Variants in FGF6 observed in about 807,000 individuals in gnomAD.
FGF6 encodes the protein FGF-6.
In FGF6, 14 loss-of-function variants were observed where a neutral mutation model predicts 18.4. That is an observed-to-expected ratio of 0.76 (90% CI 0.50 to 1.19). The LOEUF (loss-of-function observed/expected upper bound fraction) is 1.19, where lower values mean the gene tolerates loss of function less well. Among genes scored for constraint, FGF6 ranks in the 50% most tolerant of loss-of-function variants. FGF6 has a pLI of 0.00. For missense variants in FGF6, 266 were observed against 271.6 expected, an observed-to-expected ratio of 0.98 and a Z score of 0.15; for synonymous variants, 125 against 116.7, an observed-to-expected ratio of 1.07 and a Z score of -0.46.
In FGF6 at chr12:4,445,794, C is replaced by T. The variant is rs925005313; in HGVS notation, c.-224G>A. 6.6e-6 allele frequency among the ~76,000 whole-genome samples: 1 copy of T among 152,192 alleles called. No homozygotes were observed. The highest frequency in any genetic ancestry group is 1.5e-5 in the Non-Finnish European group (1 of 68,034). ...TGGCTCGGGGACGCTCTCTAGCTCG[C>T]CCGCTTGCTCCGTCCCTAGTTGATG... On this transcript the variant is annotated 5_prime_UTR_variant, in exon 1 of 3. Transcript: ENST00000228837. This position sits in a 1 kb window ranked among gnomAD's most constrained non-coding sequence, Gnocchi z 5.5.
intron 2 of FGF6, among the ~76,000 whole-genome samples, chr12:4,439,243 CCTT>C (rs1470280353): frequency 6.6e-6 from 1 of 152,146 alleles, no homozygotes; most frequent in African/African-American, 2.4e-5. Flanking sequence ...CTGGTGGTCT[CCTT>C]CTTGTTGGGT....
chr12:4,437,956 G>A (rs1031816919), intron 2 of FGF6, among the ~76,000 whole-genome samples: 9 of 151,900 alleles, frequency 5.9e-5, no homozygotes, highest in African/African-American at 1.9e-4. Context: ...GTAATAAATT[G>A]TCTTCTACTT....
rs539408566 is a variant in FGF6, at chr12:4,439,689, C to T, written c.450+4444G>A. On this transcript the variant is annotated intron_variant, in intron 2 of 2. Transcript: ENST00000228837. ...TTTTTTTCTGTTTCTATTTTTTTTT[C>T]AAGTTTACTACTTTTTTTTCTTTCC... Among the ~76,000 whole-genome samples the T allele has an allele frequency of 1.2e-3, 177 of 148,518 alleles. 1 individual carries two copies. The highest frequency in any genetic ancestry group is 4.2e-3 in the African/African-American group (168 of 40,352).
At position 4,435,737 on chromosome 12, in the gene FGF6, A is replaced by G. The variant is rs1200039171; in HGVS notation, c.451-1346T>C. Among the ~76,000 whole-genome samples the G allele has an allele frequency of 2.6e-5, 4 of 151,836 alleles. No individual in the cohort carries two copies. In the East Asian group the frequency reaches 7.8e-4, roughly 29 times the overall value. On this transcript the variant is annotated intron_variant, in intron 2 of 2. Coordinates refer to ENST00000228837, the MANE Select transcript of FGF6 (RefSeq NM_020996.3). ...GAACATGAACGCTGGACTTCCTGTCACATGAACACTGGACTTCCTGTCACA... is the reference window on the plus strand; with the variant it reads ...GAACATGAACGCTGGACTTCCTGTCGCATGAACACTGGACTTCCTGTCACA...
chr12:4,437,876 T>A (rs1440252702), intron 2 of FGF6, among the ~76,000 whole-genome samples: 2 of 152,080 alleles, frequency 1.3e-5, no homozygotes, highest in Admixed American at 1.3e-4. Flanking sequence ...GAAAAAGTTT[T>A]TTTTAATAAA....
At chr12:4,439,045 G>A (rs370313615) in intron 2 of FGF6, among the ~76,000 whole-genome samples, 1 of 152,194 alleles carries the variant, frequency 6.6e-6, no homozygotes, top group East Asian at 1.9e-4. Flanking sequence ...TGCCTCTAGG[G>A]AGGAACTCAG....
intron 1 of FGF6, 70 bp from the exon 2 acceptor site, chr12:4,444,306 G>T: frequency 2.0e-6 from 2 of 1,002,520 alleles, no homozygotes; most frequent in Non-Finnish European, 3.1e-6. Context: ...AGCCGACAAG[G>T]GCATCTCAGT....
rs184021275 is a variant in FGF6 at position 4,439,387 on chromosome 12, T to G, written c.450+4746A>C. Among the ~76,000 whole-genome samples, 482 of 152,228 alleles carry G rather than the reference T, an allele frequency of 3.2e-3. 4 individuals carry two copies. The highest frequency in any genetic ancestry group is 0.011 in the African/African-American group (458 of 41,526). On this transcript the variant is annotated intron_variant, in intron 2 of 2. Coordinates refer to ENST00000228837, the MANE Select transcript of FGF6 (RefSeq NM_020996.3). Reference sequence around the variant, plus strand: ...GTGGTTAAGGGAGAGGTTTCGTGTGTTGTTTGCAAGCTCTAGTGAGGAAAT... The same window carrying G: ...GTGGTTAAGGGAGAGGTTTCGTGTGGTGTTTGCAAGCTCTAGTGAGGAAAT...
intron 2 of FGF6, among the ~76,000 whole-genome samples, chr12:4,443,812 C>T (rs1865721560): frequency 6.6e-6 from 1 of 152,202 alleles, no homozygotes; most frequent in Non-Finnish European, 1.5e-5. Context: ...TGCAGGGAAT[C>T]ACACCTGCTC....
chr12:4,435,030 G>T (rs568825815), intron 2 of FGF6, among the ~76,000 whole-genome samples: 2 of 151,886 alleles, frequency 1.3e-5, no homozygotes, highest in African/African-American at 2.4e-5. Flanking sequence ...TCTGCTTGTG[G>T]TTCCTCAGTC....
At chr12:4,438,641 G>A (rs2287451) in intron 2 of FGF6, among the ~76,000 whole-genome samples, 7,737 of 149,308 alleles carry the variant, frequency 0.052, 298 homozygotes, top group South Asian at 0.18. Flanking sequence ...CATGCCTGTA[G>A]TCCCAGCTAC....
intron 2 of FGF6, among the ~76,000 whole-genome samples, chr12:4,442,362 TCTC>T (rs934271156): frequency 1.3e-5 from 2 of 152,104 alleles, no homozygotes; most frequent in African/African-American, 4.8e-5. Context: ...TTTCCCAGCT[TCTC>T]CTTCCAGGGC....
At chr12:4,440,469 G>A (rs1865677871) in intron 2 of FGF6, among the ~76,000 whole-genome samples, 1 of 152,222 alleles carries the variant, frequency 6.6e-6, no homozygotes, top group Admixed American at 6.5e-5. Context: ...GGATGGGGTG[G>A]AAGGATGTGG....
Position 4,445,490 on chromosome 12 carries a change from G to T in FGF6, c.81C>A (p.Phe27Leu). 1.2e-6 allele frequency: 2 copies of T among 1,613,158 alleles called. No individual in the cohort carries two copies. The change falls in exon 1 of 3, where the codon TTC (phenylalanine) becomes TTA (leucine). Residue 27 changes from phenylalanine to leucine, a missense_variant. Coordinates refer to ENST00000228837, the MANE Select transcript of FGF6 (RefSeq NM_020996.3). This position sits in a 1 kb window ranked among gnomAD's most constrained non-coding sequence, Gnocchi z 5.5. ...RLQGTLWALV[F>L]LGILVGMVVP... ...CCACCATGCCCACTAGGATGCCTAG[G>T]AAGACGAGAGCCCACAGCGTGCCCT...
intron 2 of FGF6, among the ~76,000 whole-genome samples, chr12:4,437,180 C>G (rs560585210): frequency 1.3e-4 from 20 of 151,606 alleles, no homozygotes; most frequent in African/African-American, 4.4e-4. Context: ...CATGGAAAGT[C>G]CTGGGAACAA....
In FGF6 at chr12:4,444,185, A is replaced by C. The variant is rs752875740; in HGVS notation, c.398T>G (p.Val133Gly). ...VERGVVSLFG[V>G]RSALFVAMNS... is the part of the protein sequence containing the mutation. ...CATGGCAACGAAGAGGGCACTTCTC[A>C]CTCCAAAGAGACTCACCACGCCTCG... The change falls in exon 2 of 3, where the codon GTG becomes GGG. Residue 133 changes from valine (V) to glycine (G), a missense_variant. Val to Gly is a moderately radical substitution (Grantham distance 109). Transcript: ENST00000228837. 4 of 1,613,792 alleles carry C rather than the reference A, an allele frequency of 2.5e-6. No individual in the cohort carries two copies. Among genetic ancestry groups the C allele is most frequent in the Non-Finnish European group, 3.4e-6 (4 of 1,179,868 alleles).
In FGF6 at chr12:4,445,576, T is replaced by C. The variant is rs1362801976; in HGVS notation, c.-6A>G. ...AGTTTCTGTCCCAGGGCCATCCACCTTGCCTCTCAGGCACGTGGTCAGAAT... is the reference window on the plus strand; with the variant it reads ...AGTTTCTGTCCCAGGGCCATCCACCCTGCCTCTCAGGCACGTGGTCAGAAT... On this transcript the variant is annotated 5_prime_UTR_variant, in exon 1 of 3. Transcript: ENST00000228837. The surrounding 1 kb of genome is among the most constrained non-coding windows in gnomAD (Gnocchi z 5.5). The C allele has an allele frequency of 1.9e-6, 3 of 1,570,848 alleles. No homozygotes were observed. The South Asian group carries it at 3.4e-5, about 18-fold the overall frequency.
At chr12:4,444,924 G>A (rs1865738867) in intron 1 of FGF6, among the ~76,000 whole-genome samples, 1 of 152,186 alleles carries the variant, frequency 6.6e-6, no homozygotes, top group African/African-American at 2.4e-5. Flanking sequence ...CCCAGGCCTT[G>A]GGGGCTTCCC....
At chr12:4,440,052 T>G (rs1865672956) in intron 2 of FGF6, among the ~76,000 whole-genome samples, 1 of 152,224 alleles carries the variant, frequency 6.6e-6, no homozygotes. Context: ...TGTTGGCCCC[T>G]CAGCTCTGGT....
Sources: allele counts gnomAD v4.1 joint callset (sites outside exome capture counted in the v4.1 genomes callset), GRCh38; gene constraint gnomAD v4.1.1; non-coding constraint Gnocchi (gnomAD v3.1); transcripts MANE v1.5; gene names NCBI Gene and HGNC (gene_info 2026-07-23, HGNC 2026-07-21).